The following CSTPP1 variants were observed in gnomAD, a reference collection of about 807,000 sequenced individuals.
CSTPP1 encodes centriolar satellite-associated tubulin polyglutamylase complex regulator 1.
the CSTPP1 span, among the ~76,000 whole-genome samples, chr11:47,056,850 G>A: frequency 6.6e-6 from 1 of 152,152 alleles, no homozygotes. Flanking sequence ...TACCTACTCA[G>A]TGGAACTCCT....
the CSTPP1 span, among the ~76,000 whole-genome samples, chr11:47,040,087 C>T: frequency 7.8e-6 from 1 of 128,522 alleles, no homozygotes; most frequent in Admixed American, 8.2e-5. Context: ...AGATGCTGCT[C>T]TAACTAAAGA....
At chr11:47,106,833 T>C in the CSTPP1 span, among the ~76,000 whole-genome samples, 1 of 152,078 alleles carries the variant, frequency 6.6e-6, no homozygotes, top group East Asian at 1.9e-4. Context: ...GGGCCTTCCT[T>C]TCCCAGGCCT....
the CSTPP1 span, among the ~76,000 whole-genome samples, chr11:47,067,606 G>A: frequency 1.3e-5 from 2 of 152,222 alleles, no homozygotes; most frequent in African/African-American, 2.4e-5. Context: ...AGCTGCCCAT[G>A]CCCCTCCACG....
chr11:46,960,861 G>A, the CSTPP1 span, among the ~76,000 whole-genome samples: 3,563 of 143,774 alleles, frequency 0.025, 153 homozygotes, highest in African/African-American at 0.08. Flanking sequence ...TCAAAAAAAA[G>A]AAAAAAAAAA....
the CSTPP1 span, among the ~76,000 whole-genome samples, chr11:47,070,006 C>T: frequency 1.3e-5 from 2 of 152,226 alleles, no homozygotes; most frequent in Admixed American, 1.3e-4. Flanking sequence ...AGCCACCGCA[C>T]CCGGCCGTTG....
chr11:47,113,869 A>G, the CSTPP1 span, among the ~76,000 whole-genome samples: 3 of 152,094 alleles, frequency 2.0e-5, no homozygotes, highest in Non-Finnish European at 2.9e-5. Flanking sequence ...CCATTTGTCT[A>G]TTTTGGCTTT....
the CSTPP1 span, among the ~76,000 whole-genome samples, chr11:47,125,775 G>C: frequency 6.6e-6 from 1 of 152,182 alleles, no homozygotes; most frequent in Non-Finnish European, 1.5e-5. Context: ...CCAGCACTTT[G>C]GGAGGCCAAG....
chr11:46,959,556 T>C, the CSTPP1 span, among the ~76,000 whole-genome samples: 1 of 152,166 alleles, frequency 6.6e-6, no homozygotes, highest in Admixed American at 6.6e-5. Flanking sequence ...ATGTAGACTT[T>C]TAACCCAATT....
the CSTPP1 span, among the ~76,000 whole-genome samples, chr11:47,020,949 A>C: frequency 1.3e-5 from 2 of 152,322 alleles, no homozygotes; most frequent in East Asian, 3.9e-4. Flanking sequence ...ATTTATTTTT[A>C]ATCCCAGAGA....
the CSTPP1 span, among the ~76,000 whole-genome samples, chr11:46,993,316 A>G: frequency 1.9e-4 from 28 of 148,070 alleles, no homozygotes; most frequent in Admixed American, 1.9e-3. Flanking sequence ...GTCCTTGCCC[A>G]TGCCTGTCCT....
At chr11:47,131,386 G>A in the CSTPP1 span, among the ~76,000 whole-genome samples, 3 of 152,204 alleles carry the variant, frequency 2.0e-5, no homozygotes, top group Non-Finnish European at 2.9e-5. Context: ...AGCTTCAGAA[G>A]CAGGACTTGC....
At chr11:47,095,517 T>G in the CSTPP1 span, among the ~76,000 whole-genome samples, 1 of 152,304 alleles carries the variant, frequency 6.6e-6, no homozygotes, top group East Asian at 1.9e-4. Flanking sequence ...GCCAGGGTGT[T>G]GTAATATATG....
chr11:47,036,262 A>ATT, the CSTPP1 span, among the ~76,000 whole-genome samples: 39 of 65,332 alleles, frequency 6.0e-4, 2 homozygotes, highest in African/African-American at 1.7e-3. Context: ...TATATTATAT[A>ATT]ATATATATAT....
the CSTPP1 span, among the ~76,000 whole-genome samples, chr11:47,134,212 A>AG: frequency 2.6e-5 from 4 of 151,462 alleles, no homozygotes; most frequent in Admixed American, 1.3e-4. Context: ...TATTTTTTTG[A>AG]GGGGGGAAGG....
the CSTPP1 span, among the ~76,000 whole-genome samples, chr11:47,008,707 A>G: frequency 2.0e-5 from 3 of 152,078 alleles, no homozygotes; most frequent in African/African-American, 7.2e-5. Context: ...TTATATTCAT[A>G]ATAGAAGGAA....
the CSTPP1 span, chr11:47,052,345 T>C: frequency 6.3e-7 from 1 of 1,580,378 alleles, no homozygotes; most frequent in Non-Finnish European, 8.6e-7. Context: ...TCCAGCCTTC[T>C]GGATTCCATC....
At chr11:47,130,381 A>AC in the CSTPP1 span, among the ~76,000 whole-genome samples, 1 of 152,110 alleles carries the variant, frequency 6.6e-6, no homozygotes, top group Non-Finnish European at 1.5e-5. Context: ...ACTTTACCCC[A>AC]CAGGTGTCAT....
At chr11:47,091,120 G>A in the CSTPP1 span, among the ~76,000 whole-genome samples, 7 of 149,550 alleles carry the variant, frequency 4.7e-5, no homozygotes, top group South Asian at 2.1e-4. Flanking sequence ...GGCTGGGGGC[G>A]GTGGCTCACA....
chr11:47,071,846 G>A, the CSTPP1 span, among the ~76,000 whole-genome samples: 2 of 152,184 alleles, frequency 1.3e-5, no homozygotes, highest in Non-Finnish European at 2.9e-5. Context: ...AACCCTCCAA[G>A]GACTATTTGC....
Sources: allele counts gnomAD v4.1 joint callset (sites outside exome capture counted in the v4.1 genomes callset), GRCh38; gene constraint gnomAD v4.1.1; transcripts MANE v1.5; gene names NCBI Gene and HGNC (gene_info 2026-07-23, HGNC 2026-07-21).